The following KCNK13 variants were observed in gnomAD, a reference collection of about 807,000 sequenced individuals.
KCNK13 encodes potassium channel subfamily K member 13.
Under a neutral mutation model 23.4 loss-of-function variants are expected in KCNK13, and 12 were observed. The observed-to-expected ratio is 0.51, with a 90% CI of 0.33 to 0.83. The LOEUF (loss-of-function observed/expected upper bound fraction) is 0.83. KCNK13 is among the 40% of genes least tolerant of loss of function. KCNK13 has a pLI of 0.02. For missense variants in KCNK13, 463 were observed against 556.3 expected, an observed-to-expected ratio of 0.83 and a Z score of 1.69; for synonymous variants, 231 against 229.5, an observed-to-expected ratio of 1.01 and a Z score of -0.06.
chr14:90,162,888 C>T (rs866668794), intron 1 of KCNK13, among the ~76,000 whole-genome samples: 8 of 152,190 alleles, frequency 5.3e-5, no homozygotes, highest in Middle Eastern at 6.8e-3. Flanking sequence ...AAAGGGTTAA[C>T]GTTCTTAAAA....
chr14:90,104,830 C>G (rs554113212), intron 1 of KCNK13, among the ~76,000 whole-genome samples: 22 of 146,542 alleles, frequency 1.5e-4, no homozygotes, highest in Non-Finnish European at 2.7e-4. Flanking sequence ...CACACTGTCA[C>G]CCAGGCTGGA....
chr14:90,161,531 C>T (rs1414702051), intron 1 of KCNK13, among the ~76,000 whole-genome samples: 1 of 152,144 alleles, frequency 6.6e-6, no homozygotes, highest in East Asian at 1.9e-4. Flanking sequence ...TCTGCAATAT[C>T]TACAAAAGCT....
chr14:90,081,957 C>A (rs1889217944), intron 1 of KCNK13, among the ~76,000 whole-genome samples: 1 of 152,206 alleles, frequency 6.6e-6, no homozygotes, highest in South Asian at 2.1e-4. Flanking sequence ...GTTTTCCTTT[C>A]CATTTCTCCA....
At chr14:90,146,333 G>T (rs142067690) in intron 1 of KCNK13, among the ~76,000 whole-genome samples, 11 of 151,872 alleles carry the variant, frequency 7.2e-5, no homozygotes, top group Admixed American at 4.6e-4. Context: ...CTTTTTTAGT[G>T]GGGGGGCAAT....
intron 1 of KCNK13, among the ~76,000 whole-genome samples, chr14:90,066,147 T>G (rs1333669997): frequency 6.7e-6 from 1 of 150,178 alleles, no homozygotes. Context: ...TATTTTTTTT[T>G]TTTTTTTTAG....
chr14:90,065,413 A>G (rs751518247), intron 1 of KCNK13, among the ~76,000 whole-genome samples: 1 of 152,250 alleles, frequency 6.6e-6, no homozygotes, highest in Non-Finnish European at 1.5e-5. Flanking sequence ...CCTTAGAAGC[A>G]GAGCTTGAGC....
At chr14:90,091,950 A>G (rs1889350617) in intron 1 of KCNK13, among the ~76,000 whole-genome samples, 1 of 146,292 alleles carries the variant, frequency 6.8e-6, no homozygotes, top group Admixed American at 6.9e-5. Flanking sequence ...TTTTTGAGAC[A>G]GAGTCTCACT....
intron 1 of KCNK13, among the ~76,000 whole-genome samples, chr14:90,135,803 T>C (rs1889929326): frequency 6.6e-6 from 1 of 152,014 alleles, no homozygotes; most frequent in African/African-American, 2.4e-5. Context: ...TGGCATTGTT[T>C]GTAGAGTATT....
At chr14:90,156,019 C>T (rs1188885742) in intron 1 of KCNK13, among the ~76,000 whole-genome samples, 1 of 152,014 alleles carries the variant, frequency 6.6e-6, no homozygotes, top group Non-Finnish European at 1.5e-5. Flanking sequence ...GCCTGGGCAA[C>T]ATGGCTAAAC....
intron 1 of KCNK13, among the ~76,000 whole-genome samples, chr14:90,173,632 C>T (rs1890390131): frequency 2.0e-5 from 3 of 152,074 alleles, no homozygotes; most frequent in Admixed American, 2.0e-4. Flanking sequence ...GGGCACTAAA[C>T]AAGGAGAATC....
At chr14:90,088,417 G>C (rs1889306341) in intron 1 of KCNK13, among the ~76,000 whole-genome samples, 1 of 152,178 alleles carries the variant, frequency 6.6e-6, no homozygotes, top group African/African-American at 2.4e-5. Flanking sequence ...CTGGTTTCAA[G>C]CCATAAAAGT....
chr14:90,148,938 G>T (rs1229396197), intron 1 of KCNK13, among the ~76,000 whole-genome samples: 2 of 152,150 alleles, frequency 1.3e-5, no homozygotes, highest in Admixed American at 1.3e-4. Flanking sequence ...CTATTGTGAT[G>T]GTAACATCCA....
chr14:90,144,256 T>G (rs1039891296), intron 1 of KCNK13, among the ~76,000 whole-genome samples: 4 of 152,230 alleles, frequency 2.6e-5, no homozygotes, highest in African/African-American at 9.6e-5. Flanking sequence ...TTCAGTGTAC[T>G]GGTCTTGTAC....
At chr14:90,099,615 G>C (rs953503550) in intron 1 of KCNK13, among the ~76,000 whole-genome samples, 1 of 152,158 alleles carries the variant, frequency 6.6e-6, no homozygotes, top group African/African-American at 2.4e-5. Context: ...GAAAAGTGCT[G>C]ATTGTTTAGG....
In KCNK13 at chr14:90,062,000, G is replaced by A. The variant is rs1410837659; in HGVS notation, c.-206G>A. On this transcript the variant is annotated 5_prime_UTR_variant, in exon 1 of 2. It adds an upstream start codon to the 5' untranslated region. Transcript: ENST00000282146. ...TTTGAAACTAGGAGTCAAGGAGGAC[G>A]TGGGGAGCTGGCGCCACAGGAGCTA... The A allele has an allele frequency of 2.6e-6, 1 of 391,864 alleles. No homozygotes were observed. Among genetic ancestry groups the A allele is most frequent in the Non-Finnish European group, 4.5e-6 (1 of 223,740 alleles). The allele number at this position is 391,864 out of a possible 1,614,324, so 24.3% of individuals were successfully genotyped here.
chr14:90,149,591 A>T (rs983160464), intron 1 of KCNK13, among the ~76,000 whole-genome samples: 2 of 152,186 alleles, frequency 1.3e-5, no homozygotes, highest in Admixed American at 1.3e-4. Context: ...CCTCCCACCA[A>T]GTCCCTCCCA....
At chr14:90,151,298 G>A (rs1230769881) in intron 1 of KCNK13, among the ~76,000 whole-genome samples, 2 of 152,096 alleles carry the variant, frequency 1.3e-5, no homozygotes, top group Non-Finnish European at 2.9e-5. Flanking sequence ...CCACATCAAC[G>A]ACACTTACCT....
At position 90,097,106 on chromosome 14, in the gene KCNK13, G is replaced by A. The variant is rs145549098; in HGVS notation, c.334+34567G>A. On this transcript the variant is annotated intron_variant, in intron 1 of 1. Transcript: ENST00000282146. ...TCTATATTTTGTTCTACCTCTTACC[G>A]TAAACCCTCCTTCCTATACACCCAG... is the stretch of plus-strand genomic sequence containing the variant. Among the ~76,000 whole-genome samples, 64 of 152,214 alleles carry A rather than the reference G, an allele frequency of 4.2e-4. 1 individual carries two copies. Among genetic ancestry groups the A allele is most frequent in the Non-Finnish European group, 4.4e-4 (30 of 68,018 alleles).
intron 1 of KCNK13, among the ~76,000 whole-genome samples, chr14:90,176,824 A>G (rs745756878): frequency 6.6e-6 from 1 of 152,046 alleles, no homozygotes; most frequent in Non-Finnish European, 1.5e-5. Context: ...GATCAAGACC[A>G]TCCTGGCCAA....
Sources: gnomAD v4.1 joint callset for allele counts (sites outside exome capture counted in the v4.1 genomes callset) on GRCh38, gnomAD v4.1.1 for gene constraint, MANE v1.5 for transcripts, NCBI Gene and HGNC (gene_info 2026-07-23, HGNC 2026-07-21) for gene names.